BRD4: variants seen among roughly 807,000 people sequenced by gnomAD.
BRD4 encodes bromodomain-containing protein 4.
A neutral mutation model predicts 142.1 loss-of-function variants in BRD4; 16 were observed. The ratio of observed to expected loss-of-function variants is 0.11; its 90% CI spans 0.08 to 0.17. The LOEUF is 0.17. Among genes scored for constraint, BRD4 ranks in the 10% least tolerant of loss-of-function variants. BRD4 has a pLI of 1.00. For missense variants in BRD4, 1,424 were observed against 1,810.9 expected (o/e 0.79, Z 3.88); for synonymous variants, 833 against 707.5 (o/e 1.18, Z -2.82).
At chr19:15,295,757 G>T (rs1478278921) in intron 1 of BRD4, among the ~76,000 whole-genome samples, 2 of 152,202 alleles carry the variant, frequency 1.3e-5, no homozygotes, top group Non-Finnish European at 2.9e-5. Flanking sequence ...GATCACCTGA[G>T]GTCAGGAGTT....
intron 1 of BRD4, among the ~76,000 whole-genome samples, chr19:15,302,340 GGT>G (rs1568404361): frequency 6.6e-6 from 1 of 152,166 alleles, no homozygotes; most frequent in Non-Finnish European, 1.5e-5. Context: ...AGGACAGCCT[GGT>G]CTGAACCACG....
intron 1 of BRD4, among the ~76,000 whole-genome samples, chr19:15,280,078 T>C (rs929335776): frequency 6.6e-6 from 1 of 152,262 alleles, no homozygotes; most frequent in Non-Finnish European, 1.5e-5. Flanking sequence ...GATGCTGTTA[T>C]CGAGCACTTC....
At chr19:15,271,871 T>C (rs1220442142) in intron 2 of BRD4, among the ~76,000 whole-genome samples, 1 of 140,742 alleles carries the variant, frequency 7.1e-6, no homozygotes, top group Admixed American at 7.0e-5. Flanking sequence ...ACTTTAAACT[T>C]GGGAGTAAGG....
At chr19:15,315,460 T>G (rs1435237199) in intron 1 of BRD4, among the ~76,000 whole-genome samples, 1 of 152,000 alleles carries the variant, frequency 6.6e-6, no homozygotes, top group Non-Finnish European at 1.5e-5. Flanking sequence ...CCACTTGGTG[T>G]GCCTGAGGCA....
chr19:15,293,289 A>G (rs996824808), intron 1 of BRD4, among the ~76,000 whole-genome samples: 6 of 152,150 alleles, frequency 3.9e-5, no homozygotes, highest in Non-Finnish European at 8.8e-5. Context: ...AGCCCAAACC[A>G]GAAGTCCTAG....
chr19:15,295,282 G>A (rs1328700871), intron 1 of BRD4, among the ~76,000 whole-genome samples: 5 of 152,168 alleles, frequency 3.3e-5, no homozygotes, highest in South Asian at 2.1e-4. Flanking sequence ...TCTCTCTCAC[G>A]GATGCACTTG....
intron 1 of BRD4, among the ~76,000 whole-genome samples, chr19:15,331,221 A>C (rs1476103058): frequency 6.6e-6 from 1 of 152,132 alleles, no homozygotes; most frequent in African/African-American, 2.4e-5. Context: ...GAAGCACATG[A>C]CTCATGCACC....
At chr19:15,249,263 G>C (rs1445938265) in intron 11 of BRD4, 2 of 1,614,050 alleles carry the variant, frequency 1.2e-6, no homozygotes, top group East Asian at 2.2e-5. Flanking sequence ...GTTTTATTAA[G>C]AGTCCGTGTC....
At chr19:15,243,630 G>A in intron 13 of BRD4, 143 bp from the exon 14 acceptor site, 1 of 1,365,168 alleles carries the variant, frequency 7.3e-7, no homozygotes. Flanking sequence ...CACCTACCGT[G>A]GCCTCCCACA....
At chr19:15,249,427 G>C in intron 11 of BRD4, 4 of 1,486,010 alleles carry the variant, frequency 2.7e-6, no homozygotes, top group South Asian at 2.4e-5. Flanking sequence ...CGGCACTGGA[G>C]ACTGGAGCCC....
chr19:15,294,190 C>G (rs1165655423), intron 1 of BRD4, among the ~76,000 whole-genome samples: 1 of 152,250 alleles, frequency 6.6e-6, no homozygotes, highest in Admixed American at 6.5e-5. Flanking sequence ...TGAAACTAAA[C>G]ATTTCTGTGT....
chr19:15,253,074 C>T (rs2145559658), intron 11 of BRD4: 1 of 248,372 alleles, frequency 4.0e-6, no homozygotes, highest in Non-Finnish European at 7.8e-6. Flanking sequence ...CAGGAGTCTA[C>T]TGCCAAAACA....
chr19:15,257,326 G>A (rs1411230327), intron 7 of BRD4, 153 bp from the exon 8 acceptor site: 1 of 694,008 alleles, frequency 1.4e-6, no homozygotes, highest in Admixed American at 3.0e-5. Flanking sequence ...CGAGACAGGG[G>A]CAAGGGCCAG....
At position 15,243,292 on chromosome 19, in the gene BRD4, A is replaced by C; in HGVS notation, c.2777T>G (p.Met926Arg). The C allele has an allele frequency of 8.0e-7, 1 of 1,250,146 alleles. No individual in the cohort carries two copies. The highest frequency in any genetic ancestry group is 1.0e-6 in the Non-Finnish European group (1 of 971,848). 77.4% of individuals were successfully genotyped at this position (1,250,146 alleles called of 1,614,324 possible). ...EEPPAPPLTSMQMQLYLQQLQ... is the reference protein window; with the variant it reads ...EEPPAPPLTSRQMQLYLQQLQ... Reference sequence around the variant, plus strand: ...CTGCTGCAGGTACAGCTGCATCTGCATGGAGGTGAGGGGTGGGGCAGGTGG... The same window carrying C: ...CTGCTGCAGGTACAGCTGCATCTGCCTGGAGGTGAGGGGTGGGGCAGGTGG... Residue 926 changes from methionine to arginine, a missense_variant, in exon 14 of 20, where the codon ATG becomes AGG. Coordinates refer to ENST00000679869, the MANE Select transcript of BRD4 (RefSeq NM_001379291.1).
intron 11 of BRD4, chr19:15,253,490 A>C (rs1421224558): frequency 1.4e-6 from 2 of 1,451,228 alleles, no homozygotes; most frequent in East Asian, 2.5e-5. Context: ...GCTTGAAAAG[A>C]AGGGACTGTT....
intron 1 of BRD4, among the ~76,000 whole-genome samples, chr19:15,277,614 T>G (rs1599480459): frequency 9.4e-6 from 1 of 106,756 alleles, no homozygotes; most frequent in Non-Finnish European, 1.8e-5. Flanking sequence ...CAACCCTATC[T>G]CTACCAAAAA....
At chr19:15,266,046 G>A (rs2047531043) in intron 4 of BRD4, among the ~76,000 whole-genome samples, 1 of 152,200 alleles carries the variant, frequency 6.6e-6, no homozygotes, top group South Asian at 2.1e-4. Context: ...GCAGGGAGCC[G>A]GCAGTAGCCG....
Position 15,239,601 on chromosome 19 carries a change from T to C in BRD4, c.3445+58A>G, listed in dbSNP as rs567564484. 62 of 1,559,834 alleles carry C rather than the reference T, an allele frequency of 4.0e-5. No homozygotes were observed. In the Middle Eastern group the frequency reaches 5.1e-4, roughly 13 times the overall value. ...GTCCACCAGCCCCACAGCAAGCTTATGTCCAACACGGGCCTCGGGGGGCCT... is the reference window on the plus strand; with the variant it reads ...GTCCACCAGCCCCACAGCAAGCTTACGTCCAACACGGGCCTCGGGGGGCCT... On this transcript the variant is annotated intron_variant, in intron 16 of 19. Coordinates refer to ENST00000679869, the MANE Select transcript of BRD4 (RefSeq NM_001379291.1). This position sits in a 1 kb window ranked among gnomAD's most constrained non-coding sequence, Gnocchi z 7.4.
chr19:15,267,310 A>T (rs2047543794), intron 4 of BRD4, 106 bp downstream of exon 4: 5 of 1,363,002 alleles, frequency 3.7e-6, no homozygotes, highest in Middle Eastern at 2.0e-4. Flanking sequence ...CACGGCATGC[A>T]GTATATAATG....
Sources: allele counts gnomAD v4.1 joint callset (sites outside exome capture counted in the v4.1 genomes callset), GRCh38; gene constraint gnomAD v4.1.1; non-coding constraint Gnocchi (gnomAD v3.1); transcripts MANE v1.5; gene names NCBI Gene and HGNC (gene_info 2026-07-23, HGNC 2026-07-21).